Variants in ZDHHC15 observed in about 807,000 individuals in gnomAD.
ZDHHC15 encodes zDHHC palmitoyltransferase 15, also known as palmitoyltransferase ZDHHC15.
ZDHHC15 carries 19 observed loss-of-function variants against 31.7 expected under a neutral mutation model. The observed-to-expected ratio is 0.60, with a 90% CI of 0.42 to 0.88. ZDHHC15 has a LOEUF of 0.88. ZDHHC15 is among the 40% of genes least tolerant of loss of function. The probability of loss-of-function intolerance (pLI) is 0.00; values close to 1 mark genes in which losing one functional copy is unlikely to be tolerated. For synonymous variants in ZDHHC15, 103 were observed against 90.0 expected, an observed-to-expected ratio of 1.14 and a Z score of -0.82; for missense variants, 209 against 251.2, an observed-to-expected ratio of 0.83 and a Z score of 1.14.
intron 2 of ZDHHC15, among the ~76,000 whole-genome samples, chrX:75,484,788 C>T (rs770843533): frequency 1.8e-5 from 2 of 111,882 alleles, no homozygotes; most frequent in African/African-American, 3.2e-5. Context: ...CAGCTTTATT[C>T]AAAATAGTTT....
At chrX:75,474,806 C>T (rs1357043563) in intron 3 of ZDHHC15, among the ~76,000 whole-genome samples, 2 of 109,964 alleles carry the variant, frequency 1.8e-5, no homozygotes, top group African/African-American at 6.6e-5. Context: ...GCCTGTAATC[C>T]CAGCACTTTG....
rs995107468 is a variant in ZDHHC15, at chrX:75,379,318, C to T, written c.968-120G>A. Reference sequence around the variant, plus strand: ...GCAGGCAACAGATACCTGCAAACCTCTAAAGACTGATGTGTAACACAGAAG... The same window carrying T: ...GCAGGCAACAGATACCTGCAAACCTTTAAAGACTGATGTGTAACACAGAAG... On this transcript the variant is annotated intron_variant, in intron 10 of 11. Coordinates refer to ENST00000373367, the MANE Select transcript of ZDHHC15 (RefSeq NM_144969.3). The T allele has an allele frequency of 1.5e-5, 10 of 677,029 alleles. No homozygotes were observed. In the African/African-American group the frequency reaches 2.1e-4, roughly 14 times the overall value. 55.8% of individuals were successfully genotyped at this position (677,029 alleles called of 1,213,427 possible).
At chrX:75,459,079 A>G (rs1277488222) in intron 3 of ZDHHC15, among the ~76,000 whole-genome samples, 1 of 108,448 alleles carries the variant, frequency 9.2e-6, no homozygotes, top group Admixed American at 9.9e-5. Context: ...CTTCTCCCAC[A>G]GATCACTGCA....
At chrX:75,454,726 G>C (rs1303559609) in intron 3 of ZDHHC15, among the ~76,000 whole-genome samples, 1 of 111,012 alleles carries the variant, frequency 9.0e-6, no homozygotes, top group African/African-American at 3.3e-5. Context: ...TAACAAACCT[G>C]CACATTGTGC....
At chrX:75,429,471 C>T (rs1319366379) in intron 6 of ZDHHC15, among the ~76,000 whole-genome samples, 1 of 111,745 alleles carries the variant, frequency 8.9e-6, no homozygotes, top group African/African-American at 3.2e-5. Flanking sequence ...AAACCTGGAT[C>T]CTGGTTGCTA....
Position 75,424,900 on chromosome X carries a change from A to G in ZDHHC15, c.604-116T>C, listed in dbSNP as rs185247826. ...TAAAGTGTCTAGCTGTAATTTAAAA[A>G]ATAGATTCTGTAAAATTTTTATAAT... On this transcript the variant is annotated intron_variant, in intron 7 of 11. Coordinates refer to ENST00000373367, the MANE Select transcript of ZDHHC15 (RefSeq NM_144969.3). The G allele has an allele frequency of 1.1e-4, 91 of 821,544 alleles. No homozygotes were observed. In the Middle Eastern group the frequency reaches 4.7e-3, roughly 43 times the overall value. The allele number at this position is 821,544 out of a possible 1,213,427, so 67.7% of individuals were successfully genotyped here.
intron 1 of ZDHHC15, among the ~76,000 whole-genome samples, chrX:75,507,715 T>C (rs753769471): frequency 9.0e-6 from 1 of 111,498 alleles, no homozygotes; most frequent in South Asian, 3.8e-4. Flanking sequence ...TACTAGGGGG[T>C]AAATTATTGG....
intron 2 of ZDHHC15, among the ~76,000 whole-genome samples, chrX:75,494,238 A>G (rs1253889851): frequency 2.7e-5 from 3 of 111,358 alleles, no homozygotes; most frequent in Non-Finnish European, 5.7e-5. Context: ...GACGTGAAGG[A>G]CCTCTTCAAG....
rs780716088 is a variant in ZDHHC15, at chrX:75,406,733, G to A, written c.967+10354C>T. On this transcript the variant is annotated intron_variant, in intron 10 of 11. Coordinates refer to ENST00000373367, the MANE Select transcript of ZDHHC15 (RefSeq NM_144969.3). ...TCAAAAAAAAAAAAAAAAAGATGGC[G>A]TCACTGCTGAATTCTACCAAATGTT... Among the ~76,000 whole-genome samples, 49 of 107,445 alleles carry A rather than the reference G, an allele frequency of 4.6e-4. 1 individual carries two copies. Among genetic ancestry groups the A allele is most frequent in the East Asian group, 2.6e-3 (9 of 3,419 alleles). The allele number at this position is 107,445 out of a possible 115,157, so 93.3% of individuals were successfully genotyped here.
At chrX:75,409,922 G>T (rs2083466575) in intron 10 of ZDHHC15, among the ~76,000 whole-genome samples, 1 of 110,192 alleles carries the variant, frequency 9.1e-6, no homozygotes, top group East Asian at 2.8e-4. Context: ...AAGAAACCAG[G>T]TCTAAGTCTA....
chrX:75,522,970 C>G lies in ZDHHC15; in HGVS notation c.55G>C (p.Val19Leu). ...LSGGLRCCRR[V>L]LSWVPVLVIV... ...ACGAGCACTGGCACCCAGGACAGTACCCGGCGGCAGCACCGCAGCCCCCCA... is the reference window on the plus strand; with the variant it reads ...ACGAGCACTGGCACCCAGGACAGTAGCCGGCGGCAGCACCGCAGCCCCCCA... The change falls in exon 1 of 12, where the codon GTA (valine) becomes CTA (leucine). Residue 19 changes from valine to leucine, a missense_variant. Transcript: ENST00000373367. 1 of 1,211,762 alleles carries G rather than the reference C, an allele frequency of 8.3e-7. No individual in the cohort carries two copies. Among genetic ancestry groups the G allele is most frequent in the Non-Finnish European group, 1.1e-6 (1 of 895,439 alleles).
At chrX:75,417,043 T>A in intron 10 of ZDHHC15, 44 bp downstream of exon 10, 1 of 998,815 alleles carries the variant, frequency 1.0e-6, no homozygotes, top group Non-Finnish European at 1.4e-6. Flanking sequence ...CCACATTACA[T>A]TGGTTGTATT....
chrX:75,429,019 A>G (rs1160784617), intron 7 of ZDHHC15, 59 bp downstream of exon 7: 6 of 1,182,251 alleles, frequency 5.1e-6, no homozygotes, highest in Non-Finnish European at 6.8e-6. Flanking sequence ...GAACAATGTC[A>G]CAAGTTGGAG....
chrX:75,417,079 C>T lies in ZDHHC15; in HGVS notation c.967+8G>A. ...AATGTGGACTTCATAGTCTTTGACC[C>T]CACTTACCTTGGTTGTCATCCTCGT... On this transcript the variant is annotated splice_region_variant and intron_variant, in intron 10 of 11. Transcript: ENST00000373367. The T allele has an allele frequency of 8.4e-7, 1 of 1,191,158 alleles. No homozygotes were observed. The highest frequency in any genetic ancestry group is 1.8e-5 in the South Asian group (1 of 56,140).
intron 10 of ZDHHC15, among the ~76,000 whole-genome samples, chrX:75,390,047 C>A (rs2083224487): frequency 8.9e-6 from 1 of 111,935 alleles, no homozygotes; most frequent in Non-Finnish European, 1.9e-5. Context: ...GCCCTTGGGC[C>A]TTGAGTGAAC....
intron 2 of ZDHHC15, among the ~76,000 whole-genome samples, chrX:75,498,537 C>T (rs1221274992): frequency 9.0e-6 from 1 of 111,376 alleles, no homozygotes; most frequent in Admixed American, 9.6e-5. Flanking sequence ...ACCCCTTTTA[C>T]AATAACTGAA....
intron 1 of ZDHHC15, among the ~76,000 whole-genome samples, chrX:75,506,469 C>G: frequency 9.0e-6 from 1 of 111,603 alleles, no homozygotes; most frequent in Non-Finnish European, 1.9e-5. Flanking sequence ...AAAAATTCTC[C>G]TTTTCATGAT....
rs977774644 is a variant in ZDHHC15 at position 75,384,244 on chromosome X, C to T, written c.968-5046G>A. On this transcript the variant is annotated intron_variant, in intron 10 of 11. Coordinates refer to ENST00000373367, the MANE Select transcript of ZDHHC15 (RefSeq NM_144969.3). ...GTATACAACTCATGTGAAGAATACA[C>T]TGGTAAAATGTTAGTATAGGCCAAG... 7 of 490,471 alleles carry T rather than the reference C, an allele frequency of 1.4e-5. No homozygotes were observed. The African/African-American group carries it at 1.7e-4, about 12-fold the overall frequency. The allele number at this position is 490,471 out of a possible 1,213,427, so 40.4% of individuals were successfully genotyped here.
intron 3 of ZDHHC15, among the ~76,000 whole-genome samples, chrX:75,475,610 T>G (rs1358803662): frequency 8.9e-6 from 1 of 112,239 alleles, no homozygotes; most frequent in Non-Finnish European, 1.9e-5. Context: ...CACATTGTTT[T>G]GATTACTGTA....
Sources: gnomAD v4.1 joint callset for allele counts (sites outside exome capture counted in the v4.1 genomes callset) on GRCh38, gnomAD v4.1.1 for gene constraint, MANE v1.5 for transcripts, NCBI Gene and HGNC (gene_info 2026-07-23, HGNC 2026-07-21) for gene names.